The following GLYATL2 variants were observed in gnomAD, a reference collection of about 807,000 sequenced individuals.
GLYATL2 encodes the protein glycine N-acyltransferase-like protein 2.
A neutral mutation model predicts 21.4 loss-of-function variants in GLYATL2; 25 were observed. The ratio of observed to expected loss-of-function variants is 1.17; its 90% CI spans 0.85 to 1.63. GLYATL2 has a LOEUF of 1.63. Among genes scored for constraint, GLYATL2 ranks in the 40% most tolerant of loss-of-function variants. The probability of loss-of-function intolerance (pLI) is 0.00; values close to 1 mark genes in which losing one functional copy is unlikely to be tolerated. For missense variants in GLYATL2, 361 were observed against 343.3 expected (o/e 1.05, Z -0.41); for synonymous variants, 114 against 118.2 (o/e 0.96, Z 0.23).
At chr11:58,870,168 G>A (rs533623544) in intron 1 of GLYATL2, among the ~76,000 whole-genome samples, 9 of 152,126 alleles carry the variant, frequency 5.9e-5, no homozygotes, top group Non-Finnish European at 1.3e-4. Context: ...GAGACTAGGG[G>A]AACAGTTGTA....
intron 2 of GLYATL2, among the ~76,000 whole-genome samples, chr11:58,838,883 A>C (rs1282612973): frequency 1.3e-5 from 2 of 152,186 alleles, no homozygotes; most frequent in African/African-American, 4.8e-5. Context: ...AGGAAGTGAT[A>C]AGGAAACTTA....
chr11:58,860,076 C>G (rs1392553583), intron 1 of GLYATL2, among the ~76,000 whole-genome samples: 1 of 152,004 alleles, frequency 6.6e-6, no homozygotes, highest in Non-Finnish European at 1.5e-5. Context: ...GTTCTTGTTG[C>G]TTATGATTGA....
At chr11:58,883,637 T>TA (rs1291555803) in intron 1 of GLYATL2, among the ~76,000 whole-genome samples, 1 of 152,052 alleles carries the variant, frequency 6.6e-6, no homozygotes, top group African/African-American at 2.4e-5. Context: ...CTATCAGAGG[T>TA]ACAAGGAGGA....
intron 1 of GLYATL2, among the ~76,000 whole-genome samples, chr11:58,863,074 T>G (rs1456660671): frequency 6.6e-6 from 1 of 152,182 alleles, no homozygotes; most frequent in East Asian, 1.9e-4. Context: ...GGTGGTAGGC[T>G]TGGTTCCTGG....
chr11:58,834,700 A>G lies in GLYATL2; in HGVS notation c.614T>C (p.Leu205Pro). Residue 205 changes from leucine (L) to proline (P), a missense_variant, in exon 6 of 6, where the codon CTG (leucine) becomes CCG (proline). Physicochemically the swap from Leu to Pro is moderately conservative, Grantham distance 98. Coordinates refer to ENST00000287275, the MANE Select transcript of GLYATL2 (RefSeq NM_145016.4). ...CLQDFLGFGV[L>P]GPEGQLVSWI... Reference sequence around the variant, plus strand: ...AGAGACAAGCTGGCCCTCTGGACCCAGCACACCAAATCCTAGAAAATCCTG... The same window carrying G: ...AGAGACAAGCTGGCCCTCTGGACCCGGCACACCAAATCCTAGAAAATCCTG... The G allele has an allele frequency of 6.2e-7, 1 of 1,613,630 alleles. No individual in the cohort carries two copies. Among genetic ancestry groups the G allele is most frequent in the Non-Finnish European group, 8.5e-7 (1 of 1,180,016 alleles).
chr11:58,908,863 G>A (rs189220182), upstream of GLYATL2, among the ~76,000 whole-genome samples: 8 of 152,260 alleles, frequency 5.3e-5, no homozygotes. Context: ...GCCTAGAATT[G>A]TGTTCCATCA....
At chr11:58,900,440 C>T (rs1257331015) in intron 1 of GLYATL2, among the ~76,000 whole-genome samples, 1 of 152,170 alleles carries the variant, frequency 6.6e-6, no homozygotes, top group African/African-American at 2.4e-5. Context: ...TTGAGAGACG[C>T]TTCACACCTG....
Position 58,837,814 on chromosome 11 carries a change from T to C in GLYATL2, c.187-417A>G, listed in dbSNP as rs140478239. Among the ~76,000 whole-genome samples the C allele has an allele frequency of 8.8e-4, 134 of 152,316 alleles. 2 individuals carry two copies. In the South Asian group the frequency reaches 0.016, roughly 18 times the overall value. Reference sequence around the variant, plus strand: ...CTCAGTGATTGGCTCTTGGTGTGCATGTGAATAGATGAAGTTTTGGAAAGA... The same window carrying C: ...CTCAGTGATTGGCTCTTGGTGTGCACGTGAATAGATGAAGTTTTGGAAAGA... On this transcript the variant is annotated intron_variant, in intron 3 of 5. Transcript: ENST00000287275.
chr11:58,837,829 T>C (rs1853467894), intron 3 of GLYATL2, among the ~76,000 whole-genome samples: 1 of 152,106 alleles, frequency 6.6e-6, no homozygotes, highest in African/African-American at 2.4e-5. Context: ...ATAGATGAAG[T>C]TTTGGAAAGA....
At chr11:58,844,115 T>C (rs1352104504) in intron 1 of GLYATL2, among the ~76,000 whole-genome samples, 1 of 152,124 alleles carries the variant, frequency 6.6e-6, no homozygotes, top group Non-Finnish European at 1.5e-5. Context: ...TTTTTTTTTC[T>C]GCTAACAGTA....
chr11:58,874,781 G>A (rs927209622), intron 1 of GLYATL2, among the ~76,000 whole-genome samples: 3 of 152,192 alleles, frequency 2.0e-5, no homozygotes, highest in Admixed American at 6.5e-5. Context: ...TTTGGATGGA[G>A]AGTTCTGTAG....
chr11:58,838,321 C>CA lies in GLYATL2; in HGVS notation c.125dup (p.Met42IlefsTer26). ...CTGGCCAGGCATCTACCAGCACCTC[C>CA]ATGTTGAAAGGGTTTTTATCTTTTA... On this transcript the variant is annotated frameshift_variant, in exon 3 of 6. Coordinates refer to ENST00000287275, the MANE Select transcript of GLYATL2 (RefSeq NM_145016.4). LOFTEE classifies it high-confidence loss of function. The CA allele has an allele frequency of 6.2e-7, 1 of 1,613,430 alleles. No homozygotes were observed. Among genetic ancestry groups the CA allele is most frequent in the Non-Finnish European group, 8.5e-7 (1 of 1,179,514 alleles).
At chr11:58,870,072 C>A (rs1228421462) in intron 1 of GLYATL2, among the ~76,000 whole-genome samples, 4 of 151,972 alleles carry the variant, frequency 2.6e-5, no homozygotes, top group Non-Finnish European at 5.9e-5. Context: ...CCAGCCACTG[C>A]ACTCTAGCCT....
intron 1 of GLYATL2, among the ~76,000 whole-genome samples, chr11:58,864,400 G>T (rs899484816): frequency 7.5e-6 from 1 of 133,632 alleles, no homozygotes; most frequent in Non-Finnish European, 1.7e-5. Flanking sequence ...AGTCCACCAG[G>T]CAAGCCTGGA....
chr11:58,846,982 G>T (rs1431774724), upstream of GLYATL2, among the ~76,000 whole-genome samples: 3 of 151,994 alleles, frequency 2.0e-5, no homozygotes, highest in Non-Finnish European at 2.9e-5. Context: ...ACTTCATCTT[G>T]CATCTTGGAT....
chr11:58,892,643 T>G lies in GLYATL2; in HGVS notation n.60+11513A>C, dbSNP rs541752122. ...GAACATCACGTCTGACAATATTGCT[T>G]TCTTGCCTTTCTTCCCAGGTCTTCA... On this transcript the variant is annotated intron_variant and non_coding_transcript_variant, in intron 1 of 4. Coordinates refer to the GLYATL2 transcript ENST00000533636. The G allele has an allele frequency of 1.6e-5, 5 of 320,622 alleles. No individual in the cohort carries two copies. In the East Asian group the frequency reaches 2.6e-4, roughly 17 times the overall value. The allele number at this position is 320,622 out of a possible 1,614,324, so 19.9% of individuals were successfully genotyped here. A position where few individuals can be genotyped will look rare whatever the true frequency, so the allele number is the denominator to read the frequency against.
chr11:58,874,458 G>C (rs922664441), intron 1 of GLYATL2, among the ~76,000 whole-genome samples: 11 of 152,096 alleles, frequency 7.2e-5, no homozygotes, highest in Admixed American at 1.3e-4. Flanking sequence ...ACACTGCTTT[G>C]AATGTGTCCC....
intron 1 of GLYATL2, among the ~76,000 whole-genome samples, chr11:58,898,855 T>G (rs1854682323): frequency 6.6e-6 from 1 of 152,090 alleles, no homozygotes; most frequent in African/African-American, 2.4e-5. Context: ...ATAAAATTCT[T>G]TCTCCAATAT....
chr11:58,858,846 C>T (rs1853880511), intron 1 of GLYATL2, among the ~76,000 whole-genome samples: 1 of 152,156 alleles, frequency 6.6e-6, no homozygotes, highest in Non-Finnish European at 1.5e-5. Context: ...CACCCAAGGT[C>T]CTCTTCCAAT....
Sources: allele counts gnomAD v4.1 joint callset (sites outside exome capture counted in the v4.1 genomes callset), GRCh38; gene constraint gnomAD v4.1.1; transcripts MANE v1.5; gene names NCBI Gene and HGNC (gene_info 2026-07-23, HGNC 2026-07-21).